RBM5: variants seen among roughly 807,000 people sequenced by gnomAD.
RBM5 encodes RNA binding motif protein 5.
A neutral mutation model predicts 124.6 loss-of-function variants in RBM5; 15 were observed. That is an observed-to-expected ratio of 0.12 (90% confidence interval 0.08 to 0.19). The LOEUF is 0.19. Among genes scored for constraint, RBM5 ranks in the 10% least tolerant of loss-of-function variants. RBM5 has a pLI of 1.00. For synonymous variants in RBM5, 337 were observed against 361.2 expected (o/e 0.93, Z 0.76); for missense variants, 580 against 1,026.5 (o/e 0.57, Z 5.94).
chr3:50,107,144 C>T, intron 11 of RBM5: 2 of 662,888 alleles, frequency 3.0e-6, no homozygotes, highest in Admixed American at 4.2e-5. Context: ...CAGTATAGTG[C>T]TAACCCATCC....
At chr3:50,113,888 G>T in intron 18 of RBM5, 62 bp from the exon 19 acceptor site, 1 of 1,565,114 alleles carries the variant, frequency 6.4e-7, no homozygotes. Context: ...ATCCTTAATG[G>T]CTCATTCTCA....
intron 16 of RBM5, 86 bp from the exon 17 acceptor site, chr3:50,110,593 G>C: frequency 7.0e-7 from 1 of 1,437,300 alleles, no homozygotes; most frequent in Non-Finnish European, 9.7e-7. Flanking sequence ...AGAAACATTA[G>C]GCCTGCTGCA....
At chr3:50,114,882 A>G (rs2091215442) in intron 20 of RBM5, 1 of 152,016 alleles carries the variant, frequency 6.6e-6, no homozygotes, top group South Asian at 2.1e-4. Flanking sequence ...AAAAACAAAA[A>G]CAGTCTTGGC....
At chr3:50,116,041 T>C (rs2091246233) in intron 22 of RBM5, 61 bp downstream of exon 22, 26 of 1,486,820 alleles carry the variant, frequency 1.7e-5, no homozygotes, top group Non-Finnish European at 2.3e-5. Flanking sequence ...TAGCTTTTAT[T>C]TGTAGCATTT....
rs933227592 is a variant in RBM5, at chr3:50,118,730, G to C, written c.*274G>C. 2.3e-6 allele frequency: 1 copy of C among 433,300 alleles called. No homozygotes were observed. Among genetic ancestry groups the C allele is most frequent in the South Asian group, 3.4e-5 (1 of 29,842 alleles). 26.8% of individuals were successfully genotyped at this position (433,300 alleles called of 1,614,324 possible). The stretch of plus-strand genomic sequence containing the variant: ...TCCAGTGTACATAGTGTAATGTAGC[G>C]TGTTTACATGTGTAGCCTATGTTGT... On this transcript the variant is annotated 3_prime_UTR_variant, in exon 25 of 25. Transcript: ENST00000347869.
At chr3:50,104,475 CA>C (rs1248361710) in intron 8 of RBM5, 167 bp downstream of exon 8, 18 of 633,302 alleles carry the variant, frequency 2.8e-5, no homozygotes, top group Middle Eastern at 4.0e-4. Flanking sequence ...CCTGCCTGTA[CA>C]AAAAAAGAAA....
In RBM5 at chr3:50,105,064, CT is replaced by C; in HGVS notation, c.629-10del. 1 of 1,549,150 alleles carries C rather than the reference CT, an allele frequency of 6.5e-7. No individual in the cohort carries two copies. The highest frequency in any genetic ancestry group is 8.9e-7 in the Non-Finnish European group (1 of 1,123,722). On this transcript the variant is annotated splice_polypyrimidine_tract_variant and intron_variant, in intron 8 of 24. Transcript: ENST00000347869. ...TAGTTGTTTGTCTCTAATTGGATCA[CT>C]TTCCCTTCTAGACTCTGAACAGGAA...
rs531708242 is a variant in RBM5 at position 50,097,211 on chromosome 3, C to G, written c.340-2771C>G. Among the ~76,000 whole-genome samples the G allele has an allele frequency of 8.2e-4, 124 of 152,062 alleles. 2 individuals are homozygous for G. Among genetic ancestry groups the G allele is most frequent in the African/African-American group, 2.8e-3 (117 of 41,488 alleles). Reference sequence around the variant, plus strand: ...GAGATCGAGACCATCCTGGCTAGCACGGTGAAACCCTGTCTCTACTAAAAC... The same window carrying G: ...GAGATCGAGACCATCCTGGCTAGCAGGGTGAAACCCTGTCTCTACTAAAAC... On this transcript the variant is annotated intron_variant, in intron 4 of 24. Transcript: ENST00000347869.
At position 50,100,443 on chromosome 3, in the gene RBM5, C is replaced by G. The variant is rs1324329972; in HGVS notation, c.410-89C>G. On this transcript the variant is annotated intron_variant, in intron 5 of 24. Coordinates refer to ENST00000347869, the MANE Select transcript of RBM5 (RefSeq NM_005778.4). The surrounding 1 kb of genome is among the most constrained non-coding windows in gnomAD (Gnocchi z 5.1). ...CTGCTTCCCAATTGGCTTTGTCACGCAGTGTTGAAGCAGTGGGAGAGAGAT... is the reference window on the plus strand; with the variant it reads ...CTGCTTCCCAATTGGCTTTGTCACGGAGTGTTGAAGCAGTGGGAGAGAGAT... The G allele has an allele frequency of 4.0e-5, 44 of 1,107,028 alleles. No individual in the cohort carries two copies. The East Asian group carries it at 1.0e-3, about 25-fold the overall frequency. The allele number at this position is 1,107,028 out of a possible 1,614,324, so 68.6% of individuals were successfully genotyped here.
At chr3:50,108,667 A>G (rs886483270) in intron 14 of RBM5, among the ~76,000 whole-genome samples, 1 of 151,986 alleles carries the variant, frequency 6.6e-6, no homozygotes, top group African/African-American at 2.4e-5. Context: ...AGATTGCGCC[A>G]CTGCACTCCA....
At chr3:50,118,142 C>T (rs1003410676) in intron 24 of RBM5, 189 bp from the exon 25 acceptor site, 14 of 745,774 alleles carry the variant, frequency 1.9e-5, no homozygotes, top group East Asian at 1.7e-4. Context: ...GCCTGTGTTC[C>T]GTAGCCCATT....
In RBM5 at chr3:50,108,297, T is replaced by A. The variant is rs528152155; in HGVS notation, c.1185T>A (p.Ser395=). Residue 395 remains serine (S), a synonymous_variant, in exon 14 of 25, where the codon TCT becomes TCA. Transcript: ENST00000347869. The part of the protein sequence containing the change: ...QAGGLESDAS[S]ASGTAVTTTS... The stretch of plus-strand genomic sequence containing the variant: ...GAGGATTGGAATCTGATGCATCATC[T>A]GCATCAGGTAGTAAACTTCATCTCC... The A allele has an allele frequency of 1.2e-6, 2 of 1,608,938 alleles. No individual in the cohort carries two copies. The highest frequency in any genetic ancestry group is 2.2e-5 in the South Asian group (2 of 90,986).
At chr3:50,107,053 G>A (rs1384270173) in intron 11 of RBM5, 189 bp downstream of exon 11, 2 of 698,268 alleles carry the variant, frequency 2.9e-6, no homozygotes, top group Non-Finnish European at 5.2e-6. Context: ...ACCAGTTGAT[G>A]AAGTTGCCTG....
rs932551516 is a variant in RBM5 at position 50,115,895 on chromosome 3, C to A, written c.2020-11C>A. On this transcript the variant is annotated splice_polypyrimidine_tract_variant and intron_variant, in intron 21 of 24. Coordinates refer to ENST00000347869, the MANE Select transcript of RBM5 (RefSeq NM_005778.4). ...TGAGTCCTTACTGTGTCTTTCAAAT[C>A]TTTTGTGTAGCAAAACATGGACATC... 3.1e-6 allele frequency: 5 copies of A among 1,608,096 alleles called. No homozygotes were observed. The highest frequency in any genetic ancestry group is 2.2e-5 in the East Asian group (1 of 44,822).
At chr3:50,090,338 G>T (rs1049466876) in intron 1 of RBM5, 44 bp from the exon 2 acceptor site, 27 of 1,393,282 alleles carry the variant, frequency 1.9e-5, no homozygotes, top group Non-Finnish European at 2.3e-5. Flanking sequence ...GCTGACTTAA[G>T]TGATCTCTGA....
At chr3:50,091,710 A>C (rs1341165586) in intron 2 of RBM5, among the ~76,000 whole-genome samples, 1 of 152,164 alleles carries the variant, frequency 6.6e-6, no homozygotes, top group Non-Finnish European at 1.5e-5. Context: ...GGTCACTAAG[A>C]TCTGAATCAG....
In RBM5 at chr3:50,117,492, AG is replaced by A; in HGVS notation, c.2322+117del. 1 of 1,448,730 alleles carries A rather than the reference AG, an allele frequency of 6.9e-7. No individual in the cohort carries two copies. The highest frequency in any genetic ancestry group is 9.4e-7 in the Non-Finnish European group (1 of 1,064,136). 89.7% of individuals were successfully genotyped at this position (1,448,730 alleles called of 1,614,324 possible). A position where few individuals can be genotyped will look rare whatever the true frequency, so the allele number is the denominator to read the frequency against. On this transcript the variant is annotated intron_variant, in intron 24 of 24. Coordinates refer to ENST00000347869, the MANE Select transcript of RBM5 (RefSeq NM_005778.4). This position sits in a 1 kb window ranked among gnomAD's most constrained non-coding sequence, Gnocchi z 4.2. ...CAGGAGCAGCTTTACCTTAGCATGA[AG>A]GGGCAGATTACAGGCATGAGCTCAC...
chr3:50,091,844 G>A, intron 2 of RBM5, 199 bp from the exon 3 acceptor site: 1 of 626,104 alleles, frequency 1.6e-6, no homozygotes, highest in East Asian at 2.9e-5. Flanking sequence ...ACATTCCTGA[G>A]AATTATCATT....
At position 50,092,674 on chromosome 3, in the gene RBM5, G is replaced by A. The variant is rs1235524918; in HGVS notation, c.183+466G>A. On this transcript the variant is annotated intron_variant, in intron 3 of 24. Transcript: ENST00000347869. Reference sequence around the variant, plus strand: ...TTTAGGTCTCAGTACAACCTGATAAGGTAGGTGTTATTCCCATTTTAAAGA... The same window carrying A: ...TTTAGGTCTCAGTACAACCTGATAAAGTAGGTGTTATTCCCATTTTAAAGA... 4 of 441,756 alleles carry A rather than the reference G, an allele frequency of 9.1e-6. No homozygotes were observed. The East Asian group carries it at 2.1e-4, about 23-fold the overall frequency. The allele number at this position is 441,756 out of a possible 1,614,324, so 27.4% of individuals were successfully genotyped here.
Sources: allele counts gnomAD v4.1 joint callset (sites outside exome capture counted in the v4.1 genomes callset), GRCh38; gene constraint gnomAD v4.1.1; non-coding constraint Gnocchi (gnomAD v3.1); transcripts MANE v1.5; gene names NCBI Gene and HGNC (gene_info 2026-07-23, HGNC 2026-07-21).